Variants in APPBP2 observed in about 807,000 individuals in gnomAD.
APPBP2 encodes the protein amyloid protein-binding protein 2.
APPBP2 carries 15 observed loss-of-function variants against 76.0 expected under a neutral mutation model. The ratio of observed to expected loss-of-function variants is 0.20; its 90% CI spans 0.13 to 0.30. The LOEUF is 0.30. APPBP2 is among the 10% of genes least tolerant of loss of function. APPBP2 has a pLI of 1.00. For synonymous variants in APPBP2, 222 were observed against 242.2 expected (o/e 0.92, Z 0.77); for missense variants, 401 against 687.2 (o/e 0.58, Z 4.66).
At chr17:60,470,338 C>T (rs1292161602) in intron 4 of APPBP2, among the ~76,000 whole-genome samples, 1 of 151,694 alleles carries the variant, frequency 6.6e-6, no homozygotes, top group Non-Finnish European at 1.5e-5. Flanking sequence ...AAGCTCACTA[C>T]AGCCATGATC....
chr17:60,499,365 A>C (rs2143449928), intron 2 of APPBP2, among the ~76,000 whole-genome samples: 1 of 151,944 alleles, frequency 6.6e-6, no homozygotes, highest in East Asian at 1.9e-4. Flanking sequence ...ACAGTATGAC[A>C]GTTCCTCAAA....
At chr17:60,491,237 A>G (rs2090726526) in intron 3 of APPBP2, among the ~76,000 whole-genome samples, 1 of 152,146 alleles carries the variant, frequency 6.6e-6, no homozygotes, top group Non-Finnish European at 1.5e-5. Flanking sequence ...AAACTGGAGT[A>G]AAGGTGACTC....
Position 60,524,531 on chromosome 17 carries a change from G to A in APPBP2, c.138+1263C>T, listed in dbSNP as rs1003085837. On this transcript the variant is annotated intron_variant, in intron 1 of 12. Transcript: ENST00000083182. ...ATGAATCTTCTCCAAATATTTAGGG[G>A]GGAAACCCCACTTTAATTGTTAGAA... Among the ~76,000 whole-genome samples, 3 of 147,418 alleles carry A rather than the reference G, an allele frequency of 2.0e-5. No individual in the cohort carries two copies. The East Asian group carries it at 5.8e-4, about 29-fold the overall frequency.
chr17:60,462,296 G>C (rs2090481093), intron 6 of APPBP2: 2 of 409,594 alleles, frequency 4.9e-6, no homozygotes, highest in Non-Finnish European at 8.6e-6. Context: ...GTCAGTCCTA[G>C]TACAAATCTG....
At chr17:60,462,156 G>A (rs1438709022) in intron 6 of APPBP2, 95 bp from the exon 7 acceptor site, 6 of 933,542 alleles carry the variant, frequency 6.4e-6, no homozygotes, top group South Asian at 1.5e-5. Flanking sequence ...GAGTTAATAA[G>A]AAAAAAAACC....
At chr17:60,483,016 A>AC (rs2090643299) in intron 3 of APPBP2, among the ~76,000 whole-genome samples, 1 of 152,232 alleles carries the variant, frequency 6.6e-6, no homozygotes, top group African/African-American at 2.4e-5. Context: ...ACTGTCTTCC[A>AC]CAATAGTTGA....
chr17:60,486,152 G>C (rs1340033340), intron 3 of APPBP2, among the ~76,000 whole-genome samples: 1 of 152,198 alleles, frequency 6.6e-6, no homozygotes, highest in Non-Finnish European at 1.5e-5. Context: ...GTACGATGTG[G>C]TGCTGAGAAG....
intron 5 of APPBP2, among the ~76,000 whole-genome samples, chr17:60,465,894 G>T (rs1267610303): frequency 6.6e-6 from 1 of 152,120 alleles, no homozygotes; most frequent in African/African-American, 2.4e-5. Context: ...GGAGTACAGT[G>T]GTATAAATAT....
At chr17:60,470,544 G>A (rs1414297634) in intron 4 of APPBP2, among the ~76,000 whole-genome samples, 3 of 152,028 alleles carry the variant, frequency 2.0e-5, no homozygotes, top group East Asian at 1.9e-4. Flanking sequence ...GGGATTACAG[G>A]TGTGAGCCAC....
chr17:60,498,419 C>T (rs2090794177), intron 2 of APPBP2, among the ~76,000 whole-genome samples: 1 of 152,066 alleles, frequency 6.6e-6, no homozygotes. Flanking sequence ...CTTTCAAATT[C>T]TACTTCTAGG....
At chr17:60,520,028 C>T (rs2090996141) in intron 1 of APPBP2, among the ~76,000 whole-genome samples, 1 of 151,958 alleles carries the variant, frequency 6.6e-6, no homozygotes, top group Non-Finnish European at 1.5e-5. Flanking sequence ...AAGCAAAATC[C>T]TCCCACCATG....
intron 1 of APPBP2, among the ~76,000 whole-genome samples, chr17:60,523,059 A>G (rs1403185971): frequency 2.6e-5 from 4 of 151,970 alleles, no homozygotes; most frequent in Non-Finnish European, 5.9e-5. Context: ...TAGTACACCA[A>G]ACAAGCAGAA....
intron 3 of APPBP2, among the ~76,000 whole-genome samples, chr17:60,491,771 G>C (rs1298808719): frequency 1.3e-5 from 2 of 152,152 alleles, no homozygotes; most frequent in African/African-American, 4.8e-5. Context: ...AAGGAAAACA[G>C]AGCATAAAAG....
chr17:60,466,923 T>C (rs376900954), intron 4 of APPBP2, among the ~76,000 whole-genome samples: 3 of 152,192 alleles, frequency 2.0e-5, no homozygotes, highest in East Asian at 3.8e-4. Flanking sequence ...TCCAATAAGA[T>C]AAATTTACCG....
At chr17:60,522,358 T>C (rs7220400) in intron 1 of APPBP2, among the ~76,000 whole-genome samples, 11,917 of 152,190 alleles carry the variant, frequency 0.078, 1,564 homozygotes, top group African/African-American at 0.27. Flanking sequence ...GATCTCCCTC[T>C]GTTGCCCAGG....
chr17:60,474,295 C>T (rs1453275366), intron 4 of APPBP2, among the ~76,000 whole-genome samples: 2 of 151,802 alleles, frequency 1.3e-5, no homozygotes, highest in South Asian at 2.1e-4. Flanking sequence ...CTCAGCCTCC[C>T]GAAGTAGCTG....
chr17:60,480,700 G>A (rs1054864766), intron 3 of APPBP2, among the ~76,000 whole-genome samples: 1 of 152,076 alleles, frequency 6.6e-6, no homozygotes, highest in African/African-American at 2.4e-5. Context: ...TATTGTGCTG[G>A]TTATTAGAAT....
intron 11 of APPBP2, among the ~76,000 whole-genome samples, chr17:60,452,661 C>T (rs999117327): frequency 6.6e-6 from 1 of 152,158 alleles, no homozygotes; most frequent in African/African-American, 2.4e-5. Flanking sequence ...TGGCTCATGC[C>T]TGTAATCCCA....
intron 12 of APPBP2, among the ~76,000 whole-genome samples, chr17:60,451,421 A>G (rs2090394055): frequency 6.6e-6 from 1 of 152,106 alleles, no homozygotes; most frequent in African/African-American, 2.4e-5. Flanking sequence ...ATCCTTAGCA[A>G]CTTATCCCAT....
Sources: gnomAD v4.1 joint callset for allele counts (sites outside exome capture counted in the v4.1 genomes callset) on GRCh38, gnomAD v4.1.1 for gene constraint, MANE v1.5 for transcripts, NCBI Gene and HGNC (gene_info 2026-07-23, HGNC 2026-07-21) for gene names.